The following NLGN4Y variants were observed in gnomAD, a reference collection of about 807,000 sequenced individuals.
The protein encoded by NLGN4Y is neuroligin 4 Y-linked.
In NLGN4Y, 4 loss-of-function variants were observed where a neutral mutation model predicts 8.4. That is an observed-to-expected ratio of 0.48 (90% CI 0.23 to 1.09). The LOEUF (loss-of-function observed/expected upper bound fraction) is 1.09. Among genes scored for constraint, NLGN4Y ranks in the 50% least tolerant of loss-of-function variants. The probability of loss-of-function intolerance (pLI) is 0.19; values close to 1 mark genes in which losing one functional copy is unlikely to be tolerated. For missense variants in NLGN4Y, 90 were observed against 192.3 expected (o/e 0.47, Z 3.15); for synonymous variants, 35 against 75.6 (o/e 0.46, Z 2.78).
intron 1 of NLGN4Y, among the ~76,000 whole-genome samples, chrY:14,596,394 A>G: frequency 3.0e-5 from 1 of 33,832 alleles, no homozygotes; most frequent in African/African-American, 1.2e-4. Flanking sequence ...AAGCGGGTCT[A>G]GACTCAGAAG....
At chrY:14,626,136 C>G in intron 2 of NLGN4Y, among the ~76,000 whole-genome samples, 1 of 33,987 alleles carries the variant, frequency 2.9e-5, no homozygotes, top group East Asian at 7.9e-4. Context: ...ACTGACTTCA[C>G]GAATGAAGCT....
intron 4 of NLGN4Y, among the ~76,000 whole-genome samples, chrY:14,725,748 C>G (rs965289853): frequency 3.0e-5 from 1 of 33,577 alleles, no homozygotes; most frequent in Non-Finnish European, 7.4e-5. Context: ...TTAAAATCAA[C>G]TGTGTCATAG....
chrY:14,733,531 T>C, intron 4 of NLGN4Y: 2 of 306,144 alleles, frequency 6.5e-6, no homozygotes, highest in Non-Finnish European at 4.7e-6. Flanking sequence ...TAATAAATTT[T>C]TTTTGAGTTC....
Position 14,844,807 on chromosome Y carries a change from C to T in NLGN4Y, c.*3545C>T. 3.0e-5 allele frequency: 1 copy of T among 33,474 alleles called. No individual in the cohort carries two copies. The highest frequency in any genetic ancestry group is 7.4e-5 in the Non-Finnish European group (1 of 13,493). The allele number at this position is 33,474 out of a possible 400,897, so 8.3% of individuals were successfully genotyped here. On this transcript the variant is annotated 3_prime_UTR_variant, in exon 7 of 7. Transcript: ENST00000684976. ...ATGTATATATGTACATGTATGTGTA[C>T]ATTATATATGAGTATACATGTACCT... is the stretch of plus-strand genomic sequence containing the variant.
chrY:14,581,694 C>A, intron 1 of NLGN4Y, among the ~76,000 whole-genome samples: 1 of 34,176 alleles, frequency 2.9e-5, no homozygotes, highest in Non-Finnish European at 7.3e-5. Flanking sequence ...GGGCCAGTGA[C>A]ATGATTATCA....
At chrY:14,559,715 G>T in intron 1 of NLGN4Y, among the ~76,000 whole-genome samples, 2 of 32,735 alleles carry the variant, frequency 6.1e-5, no homozygotes, top group Non-Finnish European at 1.5e-4. Flanking sequence ...TGGCAGAGAG[G>T]GTTTATATTC....
chrY:14,837,244 A>T, intron 6 of NLGN4Y, among the ~76,000 whole-genome samples: 4 of 33,828 alleles, frequency 1.2e-4, no homozygotes, highest in Non-Finnish European at 2.9e-4. Context: ...ATAATAAACT[A>T]GTTTGCTAAC....
intron 4 of NLGN4Y, among the ~76,000 whole-genome samples, chrY:14,741,825 T>G (rs2081006821): frequency 2.9e-5 from 1 of 34,137 alleles, no homozygotes; most frequent in Non-Finnish European, 7.3e-5. Flanking sequence ...AATAATCTAC[T>G]ATGCCTTGGT....
At chrY:14,684,441 A>G (rs750004152) in intron 2 of NLGN4Y, among the ~76,000 whole-genome samples, 1 of 32,826 alleles carries the variant, frequency 3.0e-5, no homozygotes, top group Non-Finnish European at 7.5e-5. Context: ...GATCCTAGTG[A>G]GGGCATCAGA....
At chrY:14,690,262 A>G (rs2080805183) in intron 2 of NLGN4Y, among the ~76,000 whole-genome samples, 6 of 33,318 alleles carry the variant, frequency 1.8e-4, no homozygotes, top group Non-Finnish European at 7.5e-5. Flanking sequence ...TTGTCAAATT[A>G]AAGCAGTAAA....
chrY:14,645,437 G>T, intron 2 of NLGN4Y, among the ~76,000 whole-genome samples: 1 of 30,047 alleles, frequency 3.3e-5, no homozygotes, highest in African/African-American at 1.3e-4. Flanking sequence ...CTCCCAAAGT[G>T]TTGGTATTAC....
intron 4 of NLGN4Y, among the ~76,000 whole-genome samples, chrY:14,773,908 C>CA (rs2081116242): frequency 3.0e-4 from 10 of 33,330 alleles, no homozygotes; most frequent in Admixed American, 2.5e-3. Flanking sequence ...ACACCTTTTA[C>CA]AAAAATTAAC....
At chrY:14,817,414 A>G in intron 4 of NLGN4Y, among the ~76,000 whole-genome samples, 1 of 33,494 alleles carries the variant, frequency 3.0e-5, no homozygotes, top group Non-Finnish European at 7.4e-5. Flanking sequence ...TAAATTTCTT[A>G]GGGCAAAGGA....
intron 4 of NLGN4Y, among the ~76,000 whole-genome samples, chrY:14,747,562 G>A (rs2081027763): frequency 3.0e-5 from 1 of 33,591 alleles, no homozygotes; most frequent in Admixed American, 2.7e-4. Context: ...TGTTAGAAAG[G>A]AGTACAGTGG....
intron 4 of NLGN4Y, among the ~76,000 whole-genome samples, chrY:14,778,397 A>G (rs2081134947): frequency 3.0e-5 from 1 of 33,849 alleles, no homozygotes; most frequent in African/African-American, 1.1e-4. Context: ...ACAGCCCATA[A>G]AAGAAAAGAC....
intron 1 of NLGN4Y, among the ~76,000 whole-genome samples, chrY:14,531,322 T>C: frequency 3.0e-5 from 1 of 33,163 alleles, no homozygotes; most frequent in Admixed American, 2.8e-4. Context: ...ACATACAATA[T>C]GTAATTTATA....
chrY:14,573,355 T>G (rs1603500088), intron 1 of NLGN4Y, among the ~76,000 whole-genome samples: 1 of 33,646 alleles, frequency 3.0e-5, no homozygotes, highest in East Asian at 7.8e-4. Context: ...ATTTATCCAT[T>G]TCTTCTAGAT....
intron 2 of NLGN4Y, chrY:14,639,723 C>A: frequency 6.8e-6 from 1 of 146,958 alleles, no homozygotes; most frequent in African/African-American, 9.0e-5. Flanking sequence ...GACTGGCCTT[C>A]GATGGGGACC....
intron 1 of NLGN4Y, among the ~76,000 whole-genome samples, chrY:14,594,896 G>A (rs373011285): frequency 4.5e-3 from 150 of 33,011 alleles, no homozygotes; most frequent in Admixed American, 0.017. Flanking sequence ...GTGGGGATCC[G>A]TACTGGGGAT....
Sources: allele counts gnomAD v4.1 joint callset (sites outside exome capture counted in the v4.1 genomes callset), GRCh38; gene constraint gnomAD v4.1.1; transcripts MANE v1.5; gene names NCBI Gene and HGNC (gene_info 2026-07-23, HGNC 2026-07-21).